OSBPL11: variants seen among roughly 807,000 people sequenced by gnomAD.
The protein encoded by OSBPL11 is oxysterol binding protein like 11.
A neutral mutation model predicts 84.4 loss-of-function variants in OSBPL11; 33 were observed. That is an observed-to-expected ratio of 0.39 (90% CI 0.30 to 0.52). The LOEUF is 0.52. Among genes scored for constraint, OSBPL11 ranks in the 20% least tolerant of loss-of-function variants. OSBPL11 has a pLI of 0.72. For missense variants in OSBPL11, 736 were observed against 901.1 expected, an observed-to-expected ratio of 0.82 and a Z score of 2.35; for synonymous variants, 276 against 310.2, an observed-to-expected ratio of 0.89 and a Z score of 1.16.
In OSBPL11 at chr3:125,531,850, G is replaced by C; in HGVS notation, c.2178+11C>G. ...AGATACATTTTTATCTTGAACACAT[G>C]TACAGCATACCTCTTTAATAAAATA... On this transcript the variant is annotated intron_variant, in intron 12 of 12. Coordinates refer to ENST00000296220, the MANE Select transcript of OSBPL11 (RefSeq NM_022776.5). The C allele has an allele frequency of 6.2e-7, 1 of 1,603,606 alleles. No individual in the cohort carries two copies. Among genetic ancestry groups the C allele is most frequent in the Non-Finnish European group, 8.5e-7 (1 of 1,176,822 alleles).
At chr3:125,556,624 T>G (rs1262736180) in intron 8 of OSBPL11, among the ~76,000 whole-genome samples, 1 of 152,220 alleles carries the variant, frequency 6.6e-6, no homozygotes, top group Non-Finnish European at 1.5e-5. Context: ...CTCAATAACT[T>G]ATAAGAAGCT....
In OSBPL11 at chr3:125,554,124, C is replaced by A. The variant is rs184242634; in HGVS notation, c.1156-1445G>T. Among the ~76,000 whole-genome samples, 1,376 of 152,270 alleles carry A rather than the reference C, an allele frequency of 9.0e-3. 13 individuals are homozygous for A. The highest frequency in any genetic ancestry group is 0.014 in the Non-Finnish European group (922 of 68,022). On this transcript the variant is annotated intron_variant, in intron 8 of 12. Transcript: ENST00000296220. ...CAATTAGATGCCTAACTCAAACCCCCAACTCCACACTGTTAGTAACTACCC... is the reference window on the plus strand; with the variant it reads ...CAATTAGATGCCTAACTCAAACCCCAAACTCCACACTGTTAGTAACTACCC...
At chr3:125,555,496 T>A (rs951548610) in intron 8 of OSBPL11, among the ~76,000 whole-genome samples, 2 of 152,136 alleles carry the variant, frequency 1.3e-5, no homozygotes, top group Non-Finnish European at 2.9e-5. Flanking sequence ...GTTGTCACAC[T>A]GAAAAGGCCC....
chr3:125,575,113 C>T (rs1936302058), intron 5 of OSBPL11, among the ~76,000 whole-genome samples: 1 of 152,110 alleles, frequency 6.6e-6, no homozygotes. Context: ...ACTAAAACAA[C>T]ATACTACAGT....
intron 8 of OSBPL11, among the ~76,000 whole-genome samples, chr3:125,559,636 C>T (rs977043974): frequency 6.6e-6 from 1 of 152,138 alleles, no homozygotes; most frequent in Non-Finnish European, 1.5e-5. Flanking sequence ...CCCACCTCAG[C>T]CATCTCCTGA....
chr3:125,539,130 CAAT>C (rs1423230772), intron 10 of OSBPL11, among the ~76,000 whole-genome samples: 1 of 150,544 alleles, frequency 6.6e-6, no homozygotes, highest in East Asian at 1.9e-4. Flanking sequence ...CCACACAAAC[CAAT>C]AATAGGTAGA....
chr3:125,584,953 T>C (rs536804075), intron 1 of OSBPL11, among the ~76,000 whole-genome samples: 2 of 152,220 alleles, frequency 1.3e-5, no homozygotes, highest in African/African-American at 4.8e-5. Flanking sequence ...TTTTTAATTA[T>C]TTTTGTGGGG....
intron 8 of OSBPL11, among the ~76,000 whole-genome samples, chr3:125,558,184 A>T (rs1204378193): frequency 6.6e-6 from 1 of 152,194 alleles, no homozygotes; most frequent in African/African-American, 2.4e-5. Flanking sequence ...TACCATGTGG[A>T]TTACTATCAC....
In OSBPL11 at chr3:125,547,463, C is replaced by T; in HGVS notation, c.1784G>A (p.Gly595Glu). Residue 595 changes from glycine to glutamate, a missense_variant, in exon 10 of 13, where the codon GGA (glycine) becomes GAA (glutamate). Around this residue, in one of 3 missense-constraint regions of OSBPL11, gnomAD observed 579 missense variants for 717.6 expected, o/e 0.81. Coordinates refer to ENST00000296220, the MANE Select transcript of OSBPL11 (RefSeq NM_022776.5). ...GKVSVNCAKT[G>E]YSASITFHTK... ...ATGAAAAGTGATGCTGGCTGAATAT[C>T]CAGTTTTTGCACAGTTGACACTGAC... 2 of 1,614,012 alleles carry T rather than the reference C, an allele frequency of 1.2e-6. No individual in the cohort carries two copies. The highest frequency in any genetic ancestry group is 1.1e-5 in the South Asian group (1 of 91,068).
chr3:125,557,479 T>A (rs1157704284), intron 8 of OSBPL11, among the ~76,000 whole-genome samples: 2 of 152,132 alleles, frequency 1.3e-5, no homozygotes, highest in East Asian at 3.9e-4. Context: ...CCTCCTGGGT[T>A]CAAGCGGTTC....
chr3:125,556,961 A>G (rs1000845063), intron 8 of OSBPL11, among the ~76,000 whole-genome samples: 3 of 152,188 alleles, frequency 2.0e-5, no homozygotes, highest in East Asian at 1.9e-4. Flanking sequence ...TTGAATGTTT[A>G]TATGTATACC....
intron 12 of OSBPL11, among the ~76,000 whole-genome samples, chr3:125,531,376 C>T (rs1192473969): frequency 6.6e-6 from 1 of 151,038 alleles, no homozygotes; most frequent in Non-Finnish European, 1.5e-5. Flanking sequence ...ACTGCAACCT[C>T]CGCCTCCTGG....
At chr3:125,575,533 GTTT>G (rs1489093250) in intron 5 of OSBPL11, among the ~76,000 whole-genome samples, 1 of 151,374 alleles carries the variant, frequency 6.6e-6, no homozygotes, top group African/African-American at 2.4e-5. Context: ...ACCACTGTTT[GTTT>G]TTTTATTTTT....
chr3:125,555,598 G>A (rs1432765031), intron 8 of OSBPL11, among the ~76,000 whole-genome samples: 1 of 151,940 alleles, frequency 6.6e-6, no homozygotes, highest in Non-Finnish European at 1.5e-5. Flanking sequence ...CAATTTTGGA[G>A]AGAAGAACAT....
At chr3:125,592,142 C>A (rs1400621130) in intron 1 of OSBPL11, among the ~76,000 whole-genome samples, 1 of 152,174 alleles carries the variant, frequency 6.6e-6, no homozygotes, top group Non-Finnish European at 1.5e-5. Flanking sequence ...CTCACTGGAG[C>A]CTAGAACTCA....
intron 11 of OSBPL11, among the ~76,000 whole-genome samples, chr3:125,537,814 C>T (rs1183652637): frequency 6.6e-6 from 1 of 152,160 alleles, no homozygotes; most frequent in Non-Finnish European, 1.5e-5. Flanking sequence ...GAAGCAACCA[C>T]TGTCAACACA....
chr3:125,557,066 GAAGA>G (rs1936000520), intron 8 of OSBPL11, among the ~76,000 whole-genome samples: 1 of 152,204 alleles, frequency 6.6e-6, no homozygotes, highest in Non-Finnish European at 1.5e-5. Flanking sequence ...ATGACAATGT[GAAGA>G]AAGATAAAAG....
intron 8 of OSBPL11, among the ~76,000 whole-genome samples, chr3:125,557,341 G>A (rs531552458): frequency 6.6e-6 from 1 of 152,252 alleles, no homozygotes; most frequent in African/African-American, 2.4e-5. Flanking sequence ...ATAAGAGGTA[G>A]CTGTGACTGC....
chr3:125,547,344 G>C (rs1935835165), intron 10 of OSBPL11, 62 bp downstream of exon 10: 1 of 1,356,804 alleles, frequency 7.4e-7, no homozygotes, highest in Non-Finnish European at 1.0e-6. Flanking sequence ...AAAGAATAAG[G>C]AGTTGTAATA....
Sources: allele counts gnomAD v4.1 joint callset (sites outside exome capture counted in the v4.1 genomes callset), GRCh38; gene constraint gnomAD v4.1.1; regional missense constraint gnomAD v4.1.1; transcripts MANE v1.5; gene names NCBI Gene and HGNC (gene_info 2026-07-23, HGNC 2026-07-21).